Variants in EXOC6 observed in about 807,000 individuals in gnomAD.
EXOC6 encodes the protein SEC15-like 1.
A neutral mutation model predicts 112.5 loss-of-function variants in EXOC6; 60 were observed. The observed-to-expected ratio is 0.53, with a 90% CI of 0.43 to 0.66. EXOC6 has a LOEUF of 0.66. Among genes scored for constraint, EXOC6 ranks in the 30% least tolerant of loss-of-function variants. EXOC6 has a pLI of 0.00. For missense variants in EXOC6, 855 were observed against 957.1 expected, an observed-to-expected ratio of 0.89 and a Z score of 1.41; for synonymous variants, 295 against 308.0, an observed-to-expected ratio of 0.96 and a Z score of 0.44.
At chr10:92,874,063 AAAAAG>A (rs1376595425) in intron 1 of EXOC6, among the ~76,000 whole-genome samples, 1 of 151,924 alleles carries the variant, frequency 6.6e-6, no homozygotes, top group African/African-American at 2.4e-5. Context: ...AGAAAAAAAA[AAAAAG>A]AAAGAAAAAA....
chr10:93,050,498 G>A (rs59357474), intron 20 of EXOC6, among the ~76,000 whole-genome samples: 2,289 of 150,792 alleles, frequency 0.015, 52 homozygotes, highest in African/African-American at 0.053. Flanking sequence ...GGTGGCTCAC[G>A]CCTGTAATCC....
chr10:92,835,959 AT>A (rs1846644607), intron 1 of EXOC6, among the ~76,000 whole-genome samples: 1 of 152,132 alleles, frequency 6.6e-6, no homozygotes, highest in Non-Finnish European at 1.5e-5. Flanking sequence ...AAACTCAACA[AT>A]TTTTTTCCAT....
Position 92,948,289 on chromosome 10 carries a change from A to T in EXOC6, c.1326A>T (p.Glu442Asp), listed in dbSNP as rs565631272. ...WAGVFRDIFE[E>D]DNYSPIPVVN... ...TTCCTAACAGGGACATTTTTGAAGA[A>T]GATAATTACAGCCCCATCCCTGTTG... The change falls in exon 14 of 22, where the codon GAA (glutamate) becomes GAT (aspartate). Residue 442 changes from glutamate to aspartate, a missense_variant. This residue lies in a region of EXOC6 where 450 missense variants were observed against 563.5 expected (regional missense o/e 0.80). Coordinates refer to ENST00000260762, the MANE Select transcript of EXOC6 (RefSeq NM_019053.6). The T allele has an allele frequency of 2.5e-6, 4 of 1,603,278 alleles. No individual in the cohort carries two copies. The East Asian group carries it at 9.0e-5, about 36-fold the overall frequency.
chr10:92,974,042 T>C lies in EXOC6; in HGVS notation c.1774-11T>C. On this transcript the variant is annotated splice_polypyrimidine_tract_variant and intron_variant, in intron 17 of 21. Coordinates refer to ENST00000260762, the MANE Select transcript of EXOC6 (RefSeq NM_019053.6). The stretch of plus-strand genomic sequence containing the variant: ...GTTTCTTGTCTTTGTTGTTATTTTG[T>C]CCCATGTCAGGATGCTCGACATGCA... 6.4e-7 allele frequency: 1 copy of C among 1,571,420 alleles called. No homozygotes were observed. The highest frequency in any genetic ancestry group is 8.6e-7 in the Non-Finnish European group (1 of 1,165,028).
chr10:93,035,973 C>A (rs377476373), intron 20 of EXOC6, among the ~76,000 whole-genome samples: 1 of 152,200 alleles, frequency 6.6e-6, no homozygotes. Context: ...GTAATCCCAG[C>A]ACTTTGGGAG....
chr10:92,912,342 C>T (rs755766345), intron 6 of EXOC6, among the ~76,000 whole-genome samples: 4 of 152,148 alleles, frequency 2.6e-5, no homozygotes, highest in East Asian at 1.9e-4. Flanking sequence ...TGTTCCCAGG[C>T]GGATCAGCAG....
At chr10:92,955,487 C>T (rs758602321) in intron 16 of EXOC6, 93 bp from the exon 17 acceptor site, 3 of 982,324 alleles carry the variant, frequency 3.1e-6, no homozygotes, top group African/African-American at 3.3e-5. Context: ...AGAAATGGTA[C>T]AGTTGCTGGA....
intron 20 of EXOC6, among the ~76,000 whole-genome samples, chr10:93,045,029 C>T (rs950244291): frequency 7.8e-6 from 1 of 128,048 alleles, no homozygotes; most frequent in Non-Finnish European, 1.6e-5. Flanking sequence ...CCCGCCACCA[C>T]GCCCGGCTAA....
chr10:93,043,988 C>T (rs1845897675), intron 20 of EXOC6, among the ~76,000 whole-genome samples: 1 of 152,214 alleles, frequency 6.6e-6, no homozygotes, highest in Admixed American at 6.5e-5. Context: ...ACAGTGTTGT[C>T]TCTGTTTCGT....
At chr10:92,901,519 A>T (rs932548764) in intron 5 of EXOC6, 1 of 151,580 alleles carries the variant, frequency 6.6e-6, no homozygotes, top group African/African-American at 2.4e-5. Context: ...AATTGTTTCA[A>T]ATTTAACAAG....
intron 4 of EXOC6, 68 bp from the exon 5 acceptor site, chr10:92,899,527 TTTGA>T (rs1311832926): frequency 5.6e-6 from 6 of 1,075,692 alleles, no homozygotes; most frequent in East Asian, 2.5e-5. Context: ...TCTTTCCTGC[TTTGA>T]TTATTTTCAT....
At chr10:92,833,266 G>C (rs1846550440), upstream of EXOC6, among the ~76,000 whole-genome samples, 1 of 152,186 alleles carries the variant, frequency 6.6e-6, no homozygotes, top group African/African-American at 2.4e-5. Context: ...TTCTGTTTCA[G>C]GCTGCTGCAG....
chr10:92,839,976 C>T (rs777258360), intron 1 of EXOC6, among the ~76,000 whole-genome samples: 17 of 152,102 alleles, frequency 1.1e-4, no homozygotes, highest in Admixed American at 2.0e-4. Context: ...AATTGTTTTA[C>T]ACTTGTATTC....
chr10:92,869,835 C>T (rs1004182488), intron 1 of EXOC6, among the ~76,000 whole-genome samples: 1 of 151,856 alleles, frequency 6.6e-6, no homozygotes, highest in Admixed American at 6.6e-5. Flanking sequence ...TCTAGTCTAA[C>T]TTAACAATCC....
intron 1 of EXOC6, among the ~76,000 whole-genome samples, chr10:92,842,509 G>C (rs1488882894): frequency 6.6e-6 from 1 of 151,640 alleles, no homozygotes; most frequent in East Asian, 1.9e-4. Context: ...ATTTTGCCAA[G>C]AGGAGAGAGA....
intron 17 of EXOC6, among the ~76,000 whole-genome samples, chr10:92,961,935 GA>G (rs1854026118): frequency 1.3e-5 from 2 of 152,200 alleles, no homozygotes; most frequent in African/African-American, 4.8e-5. Flanking sequence ...AAAAGCCCCT[GA>G]AAACTAGAAA....
chr10:92,938,351 CTGAG>C (rs564297367), intron 12 of EXOC6, among the ~76,000 whole-genome samples: 210 of 152,188 alleles, frequency 1.4e-3, no homozygotes, highest in African/African-American at 4.3e-3. Flanking sequence ...AGCTGACAGA[CTGAG>C]TATTAGGTCT....
At chr10:92,864,643 C>T (rs1848086385) in intron 1 of EXOC6, among the ~76,000 whole-genome samples, 1 of 122,610 alleles carries the variant, frequency 8.2e-6, no homozygotes, top group Non-Finnish European at 1.7e-5. Context: ...GACATTCAAT[C>T]CACTGAGGCC....
chr10:92,897,377 T>C (rs1227123641), intron 4 of EXOC6, among the ~76,000 whole-genome samples: 1 of 152,196 alleles, frequency 6.6e-6, no homozygotes, highest in East Asian at 1.9e-4. Flanking sequence ...TGAGGCATCA[T>C]GGTAGGTATT....
Sources: gnomAD v4.1 joint callset for allele counts (sites outside exome capture counted in the v4.1 genomes callset) on GRCh38, gnomAD v4.1.1 for gene constraint, gnomAD v4.1.1 regional missense constraint, MANE v1.5 for transcripts, NCBI Gene and HGNC (gene_info 2026-07-23, HGNC 2026-07-21) for gene names.